Variants in GSAP observed in about 807,000 individuals in gnomAD.
GSAP encodes the protein gamma-secretase activating protein, also known as gamma-secretase-activating protein.
A neutral mutation model predicts 131.7 loss-of-function variants in GSAP; 118 were observed. The ratio of observed to expected loss-of-function variants is 0.90; its 90% CI spans 0.77 to 1.04. The LOEUF (loss-of-function observed/expected upper bound fraction) is 1.04. GSAP is among the 50% of genes least tolerant of loss of function. GSAP has a pLI of 0.00. For synonymous variants in GSAP, 381 were observed against 363.4 expected (o/e 1.05, Z -0.55); for missense variants, 1,019 against 1,013.2 (o/e 1.01, Z -0.08).
chr7:77,314,582 T>C, intron 26 of GSAP, 93 bp from the exon 27 acceptor site: 2 of 1,389,488 alleles, frequency 1.4e-6, no homozygotes, highest in South Asian at 2.5e-5. Context: ...AAGCACTTAG[T>C]TCAGTGCTTG....
intron 19 of GSAP, among the ~76,000 whole-genome samples, chr7:77,347,882 T>C (rs1792142211): frequency 6.6e-6 from 1 of 151,836 alleles, no homozygotes; most frequent in Non-Finnish European, 1.5e-5. Flanking sequence ...TCCATCATGG[T>C]GGTTCACACC....
intron 25 of GSAP, among the ~76,000 whole-genome samples, chr7:77,321,127 CTTTGT>C (rs1406338423): frequency 2.6e-5 from 4 of 152,150 alleles, no homozygotes; most frequent in Admixed American, 1.3e-4. Context: ...ACGGGCATAA[CTTTGT>C]TTTAATTTTA....
intron 5 of GSAP, among the ~76,000 whole-genome samples, chr7:77,393,600 T>C (rs781631473): frequency 6.6e-6 from 1 of 152,034 alleles, no homozygotes; most frequent in Non-Finnish European, 1.5e-5. Context: ...TGAGTCACGC[T>C]TGACTTGTCT....
upstream of GSAP, chr7:77,416,506 G>A (rs956257636): frequency 1.6e-4 from 66 of 409,552 alleles, no homozygotes; most frequent in African/African-American, 1.2e-3. Context: ...CCGGCCGGCG[G>A]CCCGCACCTG....
chr7:77,323,570 T>C (rs2150634895), intron 24 of GSAP, 77 bp downstream of exon 24: 4 of 665,608 alleles, frequency 6.0e-6, no homozygotes, highest in South Asian at 2.0e-5. Flanking sequence ...ATAAATGGGT[T>C]CCCTGCACCA....
At chr7:77,364,471 A>G (rs1794980475) in intron 12 of GSAP, among the ~76,000 whole-genome samples, 1 of 141,036 alleles carries the variant, frequency 7.1e-6, no homozygotes, top group Admixed American at 7.7e-5. Context: ...AAACTGAACA[A>G]TGAGAACACA....
At chr7:77,357,770 G>A (rs1018177725) in intron 14 of GSAP, among the ~76,000 whole-genome samples, 1 of 152,194 alleles carries the variant, frequency 6.6e-6, no homozygotes, top group African/African-American at 2.4e-5. Flanking sequence ...ATTCTTCCCT[G>A]GAGCCTCCAG....
chr7:77,370,205 C>T (rs1365322216), intron 12 of GSAP, among the ~76,000 whole-genome samples: 1 of 152,116 alleles, frequency 6.6e-6, no homozygotes, highest in African/African-American at 2.4e-5. Flanking sequence ...TGCCTGTAAT[C>T]CCAGCACTTT....
chr7:77,402,726 C>T (rs1583895576), intron 3 of GSAP, among the ~76,000 whole-genome samples: 2 of 146,408 alleles, frequency 1.4e-5, no homozygotes, highest in African/African-American at 2.5e-5. Flanking sequence ...GTTGTGCCTA[C>T]GTGGAGAAGA....
chr7:77,329,316 C>T lies in GSAP; in HGVS notation c.1733+17G>A, dbSNP rs1253313757. The T allele has an allele frequency of 2.1e-6, 3 of 1,420,472 alleles. No individual in the cohort carries two copies. In the African/African-American group the frequency reaches 4.3e-5, roughly 20 times the overall value. 88.0% of individuals were successfully genotyped at this position (1,420,472 alleles called of 1,614,324 possible). A position where few individuals can be genotyped will look rare whatever the true frequency, so the allele number is the denominator to read the frequency against. ...GTCAACCATCTTACAGATATGATAA[C>T]CTCTGCTTTCACTTACTTTACTGCA... On this transcript the variant is annotated intron_variant, in intron 21 of 30. Transcript: ENST00000257626.
chr7:77,342,674 A>G (rs1319079132), intron 19 of GSAP, among the ~76,000 whole-genome samples: 3 of 152,094 alleles, frequency 2.0e-5, no homozygotes, highest in Non-Finnish European at 4.4e-5. Flanking sequence ...TACACTGCTC[A>G]ATGCCAATAT....
intron 18 of GSAP, 151 bp downstream of exon 18, chr7:77,352,793 C>T (rs1584434737): frequency 1.0e-5 from 2 of 193,388 alleles, no homozygotes; most frequent in Non-Finnish European, 9.4e-6. Flanking sequence ...TTTGCTATTA[C>T]TTTTCTGCCA....
chr7:77,390,946 TAAAAAAAAAAAAAAAAAAAAAA>T (rs71085453), intron 5 of GSAP, among the ~76,000 whole-genome samples: 11 of 37,928 alleles, frequency 2.9e-4, no homozygotes, highest in South Asian at 1.1e-3. Flanking sequence ...AGACTCCGTC[TAAAAAAAAAAAAAAAAAAAAAA>T]AAAAAAAAAA....
chr7:77,386,487 A>AG (rs1251453689), intron 6 of GSAP, among the ~76,000 whole-genome samples: 1 of 152,218 alleles, frequency 6.6e-6, no homozygotes, highest in East Asian at 1.9e-4. Flanking sequence ...GTTTGTCAAC[A>AG]GATCAGTATA....
rs1050990181 is a variant in GSAP at position 77,330,449 on chromosome 7, T to C, written c.1546-82A>G. On this transcript the variant is annotated intron_variant, in intron 19 of 30. Coordinates refer to ENST00000257626, the MANE Select transcript of GSAP (RefSeq NM_017439.4). Reference sequence around the variant, plus strand: ...CCCAGTGAGTATTACACAAGCCTTATTTCCCGAGCTCTCAGGGTCCACATT... The same window carrying C: ...CCCAGTGAGTATTACACAAGCCTTACTTCCCGAGCTCTCAGGGTCCACATT... 110 of 1,517,890 alleles carry C rather than the reference T, an allele frequency of 7.2e-5. No homozygotes were observed. The African/African-American group carries it at 7.8e-4, about 11-fold the overall frequency. The allele number at this position is 1,517,890 out of a possible 1,614,324, so 94.0% of individuals were successfully genotyped here. A position where few individuals can be genotyped will look rare whatever the true frequency, so the allele number is the denominator to read the frequency against.
intron 19 of GSAP, among the ~76,000 whole-genome samples, chr7:77,334,124 G>A (rs1789578553): frequency 6.6e-6 from 1 of 152,112 alleles, no homozygotes; most frequent in Non-Finnish European, 1.5e-5. Flanking sequence ...ACATGCACGT[G>A]TATGTTCACT....
chr7:77,325,141 T>C (rs1788155639), intron 23 of GSAP, among the ~76,000 whole-genome samples: 1 of 152,188 alleles, frequency 6.6e-6, no homozygotes, highest in East Asian at 1.9e-4. Context: ...TTTTAATGGC[T>C]GTGCAATATT....
chr7:77,323,606 G>C, intron 24 of GSAP, 41 bp downstream of exon 24: 1 of 938,610 alleles, frequency 1.1e-6, no homozygotes, highest in South Asian at 1.4e-5. Flanking sequence ...ATGGGGAGTG[G>C]GGTGAAGGGG....
At chr7:77,404,010 A>C (rs1801830393) in intron 3 of GSAP, among the ~76,000 whole-genome samples, 1 of 152,250 alleles carries the variant, frequency 6.6e-6, no homozygotes, top group Admixed American at 6.5e-5. Flanking sequence ...TCCATCAACA[A>C]ATAAATGAAT....
Sources: allele counts gnomAD v4.1 joint callset (sites outside exome capture counted in the v4.1 genomes callset), GRCh38; gene constraint gnomAD v4.1.1; transcripts MANE v1.5; gene names NCBI Gene and HGNC (gene_info 2026-07-23, HGNC 2026-07-21).